The following CLIC4 variants were observed in gnomAD, a reference collection of about 807,000 sequenced individuals.
The protein encoded by CLIC4 is CLIC family member 4.
CLIC4 carries 13 observed loss-of-function variants against 24.6 expected under a neutral mutation model. The ratio of observed to expected loss-of-function variants is 0.53; its 90% confidence interval spans 0.34 to 0.84. The LOEUF (loss-of-function observed/expected upper bound fraction) is 0.84, where lower values mean the gene tolerates loss of function less well. Ranked by LOEUF, CLIC4 falls within the 40% of genes least tolerant of loss-of-function variation. The pLI is 0.01. For missense variants in CLIC4, 227 were observed against 301.7 expected, an observed-to-expected ratio of 0.75 and a Z score of 1.83; for synonymous variants, 104 against 111.3, an observed-to-expected ratio of 0.93 and a Z score of 0.41.
chr1:24,827,063 T>A lies in CLIC4; in HGVS notation c.362T>A (p.Ile121Asn), dbSNP rs1460589542. The A allele has an allele frequency of 6.2e-7, 1 of 1,611,966 alleles. No individual in the cohort carries two copies. The highest frequency in any genetic ancestry group is 2.2e-5 in the East Asian group (1 of 44,762). ...HPESNTAGMD[I>N]FAKFSAYIKN... ...GAATCAAATACTGCTGGAATGGACA[T>A]CTTTGCCAAATTCTCTGCATATATC... is the stretch of plus-strand genomic sequence containing the variant. The change falls in exon 4 of 6, where the codon ATC (isoleucine) becomes AAC (asparagine). Residue 121 changes from isoleucine to asparagine, a missense_variant. Physicochemically the swap from Ile to Asn is moderately radical, Grantham distance 149. Transcript: ENST00000374379.
rs552826456 is a variant in CLIC4 at position 24,835,438 on chromosome 1, C to T, written c.416-4422C>T. The stretch of plus-strand genomic sequence containing the variant: ...ATCAGCCAGGCGTGGTTGCTCACGC[C>T]TATAATCCCAGCTACTCGGGAGGCT... On this transcript the variant is annotated intron_variant, in intron 4 of 5. Coordinates refer to ENST00000374379, the MANE Select transcript of CLIC4 (RefSeq NM_013943.3). Among the ~76,000 whole-genome samples, 7 of 152,276 alleles carry T rather than the reference C, an allele frequency of 4.6e-5. 1 individual carries two copies. The East Asian group carries it at 9.6e-4, about 21-fold the overall frequency.
chr1:24,792,486 G>A (rs561789960), intron 1 of CLIC4, among the ~76,000 whole-genome samples: 9 of 152,036 alleles, frequency 5.9e-5, no homozygotes, highest in Admixed American at 2.6e-4. Context: ...ACTATTGTGC[G>A]TGGCCTTTTC....
intron 3 of CLIC4, among the ~76,000 whole-genome samples, chr1:24,823,628 G>T (rs1476849307): frequency 6.6e-6 from 1 of 152,032 alleles, no homozygotes; most frequent in Non-Finnish European, 1.5e-5. Flanking sequence ...CAAAAAATTA[G>T]CTGGGCGTGG....
intron 1 of CLIC4, among the ~76,000 whole-genome samples, chr1:24,751,721 G>T (rs1242412939): frequency 2.0e-5 from 3 of 152,144 alleles, no homozygotes; most frequent in African/African-American, 4.8e-5. Context: ...AAAATTAGCC[G>T]GTCGTGGTGG....
intron 3 of CLIC4, among the ~76,000 whole-genome samples, chr1:24,821,163 C>T (rs961208071): frequency 2.0e-5 from 3 of 149,148 alleles, no homozygotes; most frequent in African/African-American, 5.0e-5. Flanking sequence ...CCAGCCTGCA[C>T]GATACAGCAA....
intron 3 of CLIC4, among the ~76,000 whole-genome samples, chr1:24,815,041 A>G (rs1047797319): frequency 6.6e-6 from 1 of 152,226 alleles, no homozygotes; most frequent in Admixed American, 6.5e-5. Context: ...GTTAGGTTCC[A>G]GACCACAGTG....
chr1:24,821,344 AAAAC>A (rs946813959), intron 3 of CLIC4, among the ~76,000 whole-genome samples: 1 of 152,192 alleles, frequency 6.6e-6, no homozygotes, highest in African/African-American at 2.4e-5. Flanking sequence ...TTGGACCTTG[AAAAC>A]AAACATTTTC....
chr1:24,842,740 C>G lies in CLIC4; in HGVS notation c.*1803C>G, dbSNP rs1005971253. 5.9e-5 allele frequency: 9 copies of G among 151,890 alleles called. No homozygotes were observed. Among genetic ancestry groups the G allele is most frequent in the African/African-American group, 2.2e-4 (9 of 41,330 alleles). The allele number at this position is 151,890 out of a possible 1,614,324, so 9.4% of individuals were successfully genotyped here. A position where few individuals can be genotyped will look rare whatever the true frequency, so the allele number is the denominator to read the frequency against. ...TAAATATTGTATGATTTATCTGGTTCAAGGAAGATGCACTATTCAGTTATC... is the reference window on the plus strand; with the variant it reads ...TAAATATTGTATGATTTATCTGGTTGAAGGAAGATGCACTATTCAGTTATC... On this transcript the variant is annotated 3_prime_UTR_variant, in exon 6 of 6. Transcript: ENST00000374379.
intron 5 of CLIC4, 116 bp from the exon 6 acceptor site, chr1:24,840,657 A>T: frequency 2.4e-6 from 2 of 847,864 alleles, no homozygotes; most frequent in Non-Finnish European, 1.8e-6. Context: ...TTTTTTTCAT[A>T]TAGAAGCAGT....
chr1:24,799,164 G>A (rs1197643079), intron 2 of CLIC4, among the ~76,000 whole-genome samples: 4 of 151,116 alleles, frequency 2.6e-5, no homozygotes, highest in Middle Eastern at 3.2e-3. Flanking sequence ...AGTGAGGAGC[G>A]TCTCCGCCTG....
intron 1 of CLIC4, among the ~76,000 whole-genome samples, chr1:24,757,428 A>G (rs1431727097): frequency 6.6e-6 from 1 of 152,162 alleles, no homozygotes; most frequent in East Asian, 1.9e-4. Flanking sequence ...GTGGATTACG[A>G]GAGTGAATAT....
chr1:24,757,101 G>T (rs1461250013), intron 1 of CLIC4, among the ~76,000 whole-genome samples: 1 of 151,988 alleles, frequency 6.6e-6, no homozygotes, highest in Non-Finnish European at 1.5e-5. Flanking sequence ...CTCCATGTTG[G>T]TCAAGCTAGT....
At chr1:24,837,257 C>T (rs1337817451) in intron 4 of CLIC4, among the ~76,000 whole-genome samples, 2 of 151,970 alleles carry the variant, frequency 1.3e-5, no homozygotes, top group Non-Finnish European at 1.5e-5. Context: ...ACAGATCTTA[C>T]ATTAAAATGA....
chr1:24,773,591 C>CTTTTT (rs61367134), intron 1 of CLIC4, among the ~76,000 whole-genome samples: 9 of 74,010 alleles, frequency 1.2e-4, no homozygotes, highest in African/African-American at 1.5e-4. Flanking sequence ...TGAGATGCAC[C>CTTTTT]TTTTTTTTTT....
intron 1 of CLIC4, among the ~76,000 whole-genome samples, chr1:24,756,279 G>A (rs979090358): frequency 6.6e-6 from 1 of 152,150 alleles, no homozygotes; most frequent in Non-Finnish European, 1.5e-5. Flanking sequence ...GATTACAGGC[G>A]TGAGCCACCG....
intron 1 of CLIC4, among the ~76,000 whole-genome samples, chr1:24,787,013 CAG>C (rs1639275588): frequency 6.6e-6 from 1 of 151,998 alleles, no homozygotes; most frequent in African/African-American, 2.4e-5. Flanking sequence ...CTTGACCTGC[CAG>C]GCTCAAGTGA....
At chr1:24,801,627 G>A (rs1367330064) in intron 2 of CLIC4, among the ~76,000 whole-genome samples, 1 of 152,198 alleles carries the variant, frequency 6.6e-6, no homozygotes, top group African/African-American at 2.4e-5. Flanking sequence ...TAAAGTGGCA[G>A]AATTAATCTA....
chr1:24,798,057 CT>C (rs1463705477), intron 2 of CLIC4: 5 of 422,004 alleles, frequency 1.2e-5, no homozygotes, highest in Non-Finnish European at 2.1e-5. Flanking sequence ...TTTTTAGGAA[CT>C]TTTGTATGTT....
At chr1:24,764,189 C>T (rs1238812215) in intron 1 of CLIC4, among the ~76,000 whole-genome samples, 3 of 152,178 alleles carry the variant, frequency 2.0e-5, no homozygotes, top group African/African-American at 4.8e-5. Context: ...CAACCTCCGC[C>T]TCCCGGGTTC....
Sources: allele counts gnomAD v4.1 joint callset (sites outside exome capture counted in the v4.1 genomes callset), GRCh38; gene constraint gnomAD v4.1.1; transcripts MANE v1.5; gene names NCBI Gene and HGNC (gene_info 2026-07-23, HGNC 2026-07-21).